Variants in AKAP1 observed in about 807,000 individuals in gnomAD.
AKAP1 encodes the protein A-kinase anchoring protein 1.
Under a neutral mutation model 79.8 loss-of-function variants are expected in AKAP1, and 32 were observed. That is an observed-to-expected ratio of 0.40 (90% CI 0.30 to 0.54). The LOEUF (loss-of-function observed/expected upper bound fraction) is 0.54, where lower values mean the gene tolerates loss of function less well. AKAP1 is among the 20% of genes least tolerant of loss of function. The probability of loss-of-function intolerance (pLI) is 0.47; values close to 1 mark genes in which losing one functional copy is unlikely to be tolerated. For synonymous variants in AKAP1, 416 were observed against 466.7 expected (o/e 0.89, Z 1.40); for missense variants, 961 against 1,138.9 (o/e 0.84, Z 2.25).
intron 1 of AKAP1, among the ~76,000 whole-genome samples, chr17:57,097,396 A>G (rs1914185492): frequency 6.6e-6 from 1 of 152,252 alleles, no homozygotes; most frequent in Admixed American, 6.5e-5. Flanking sequence ...ACATATTTGA[A>G]TGAATGAGCA....
chr17:57,114,766 A>G (rs2144768182), intron 6 of AKAP1, 130 bp downstream of exon 6: 7 of 1,101,830 alleles, frequency 6.4e-6, no homozygotes, highest in Non-Finnish European at 9.0e-6. Flanking sequence ...TGCCATTGTT[A>G]TGGAGCTGGG....
At chr17:57,118,296 G>T in intron 8 of AKAP1, 85 bp from the exon 9 acceptor site, 1 of 1,254,366 alleles carries the variant, frequency 8.0e-7, no homozygotes, top group Non-Finnish European at 1.2e-6. Context: ...CATTCTACTT[G>T]GAATGCACCT....
At chr17:57,104,781 A>G (rs1048611838) in intron 1 of AKAP1, among the ~76,000 whole-genome samples, 3 of 152,236 alleles carry the variant, frequency 2.0e-5, no homozygotes, top group Non-Finnish European at 4.4e-5. Flanking sequence ...TGTAAAGTTG[A>G]AAAATTCTCA....
chr17:57,105,894 C>G lies in AKAP1; in HGVS notation c.430C>G (p.Pro144Ala), dbSNP rs1361930359. ...ALTGGEAKSI[P>A]LECPLSSPKG... ...GACAGGTGGTGAAGCCAAATCGATT[C>G]CTCTAGAGTGCCCCCTTTCATCCCC... Residue 144 changes from proline to alanine, a missense_variant, in exon 2 of 11, where the codon CCT becomes GCT. Physicochemically the swap from Pro to Ala is conservative, Grantham distance 27. This residue lies in a region of AKAP1 where 224 missense variants were observed against 210.2 expected (regional missense o/e 1.07). Coordinates refer to ENST00000337714, the MANE Select transcript of AKAP1 (RefSeq NM_003488.4). 1 of 1,614,098 alleles carries G rather than the reference C, an allele frequency of 6.2e-7. No individual in the cohort carries two copies. The highest frequency in any genetic ancestry group is 2.2e-5 in the East Asian group (1 of 44,890).
chr17:57,092,641 T>C (rs988368411), intron 1 of AKAP1: 1 of 152,218 alleles, frequency 6.6e-6, no homozygotes, highest in African/African-American at 2.4e-5. Flanking sequence ...GTACCTGTCA[T>C]GCTACCAGCC....
At chr17:57,119,850 T>TTTTTTTTTTTTTTTTTTTTTA (rs1915818680) in intron 10 of AKAP1, among the ~76,000 whole-genome samples, 1 of 139,588 alleles carries the variant, frequency 7.2e-6, no homozygotes, top group Admixed American at 7.2e-5. Flanking sequence ...TTTTTTTTTT[T>TTTTTTTTTTTTTTTTTTTTTA]GAGACAGTCT....
rs1914784824 is a variant in AKAP1, at chr17:57,105,429, TGCTCTCCC to T, written c.-24-11_-24-4del. On this transcript the variant is annotated splice_region_variant and splice_polypyrimidine_tract_variant and intron_variant, in intron 1 of 10. Transcript: ENST00000337714. ...GTAACATCCCTCCTCCCCGCTCTCC[TGCTCTCCC>T]CAGGTGTAATTACTTCAAGCCTCCA... 3 of 1,602,232 alleles carry T rather than the reference TGCTCTCCC, an allele frequency of 1.9e-6. No homozygotes were observed. Among genetic ancestry groups the T allele is most frequent in the Non-Finnish European group, 1.7e-6 (2 of 1,175,380 alleles).
rs748978269 is a variant in AKAP1, at chr17:57,106,893, C to T, written c.1429C>T (p.Arg477Trp). 18 of 1,613,722 alleles carry T rather than the reference C, an allele frequency of 1.1e-5. No individual in the cohort carries two copies. The highest frequency in any genetic ancestry group is 1.7e-5 in the Admixed American group (1 of 60,010). The part of the protein sequence containing the change: ...LTTPSEELPD[R>W]AGILVEDATC... ...CACCCCCAGTGAAGAGTTGCCGGAC[C>T]GGGCAGGCATCCTGGTGGAAGATGC... Residue 477 changes from arginine (R) to tryptophan (W), a missense_variant, in exon 2 of 11, where the codon CGG (arginine) becomes TGG (tryptophan). Around this residue, in one of 3 missense-constraint regions of AKAP1, gnomAD observed 629 missense variants for 781.1 expected, o/e 0.81. Coordinates refer to ENST00000337714, the MANE Select transcript of AKAP1 (RefSeq NM_003488.4).
Position 57,086,606 on chromosome 17 carries a change from A to G in AKAP1, c.-25+1208A>G, listed in dbSNP as rs1913477697. ...GGCAATTAGTGAGGTTAACCTGGGT[A>G]TCTTTCCCCTACTGTAGTGCGCGTT... On this transcript the variant is annotated intron_variant, in intron 1 of 10. Transcript: ENST00000337714. The surrounding 1 kb of genome is among the most constrained non-coding windows in gnomAD (Gnocchi z 5.1). 5.7e-6 allele frequency: 2 copies of G among 351,354 alleles called. No homozygotes were observed. The highest frequency in any genetic ancestry group is 1.1e-5 in the Non-Finnish European group (2 of 178,534). 21.8% of individuals were successfully genotyped at this position (351,354 alleles called of 1,614,324 possible).
In AKAP1 at chr17:57,114,495, G is replaced by A; in HGVS notation, c.2140G>A (p.Val714Met). 2 of 1,614,142 alleles carry A rather than the reference G, an allele frequency of 1.2e-6. No homozygotes were observed. Among genetic ancestry groups the A allele is most frequent in the East Asian group, 2.2e-5 (1 of 44,874 alleles). The change falls in exon 6 of 11, where the codon GTG becomes ATG. Residue 714 changes from valine to methionine, a missense_variant. Around this residue, in one of 3 missense-constraint regions of AKAP1, gnomAD observed 629 missense variants for 781.1 expected, o/e 0.81. Transcript: ENST00000337714. ...TGATGGCATCACCGTGGAGGTCATT[G>A]TGGTCAACCAGGTCAATGCCGGGCA... is the stretch of plus-strand genomic sequence containing the variant. ...LPDGITVEVI[V>M]VNQVNAGHLF... is the part of the protein sequence containing the mutation.
Position 57,121,082 on chromosome 17 carries a change from G to A in AKAP1, c.*758G>A, listed in dbSNP as rs1339956939. 2 of 152,506 alleles carry A rather than the reference G, an allele frequency of 1.3e-5. No individual in the cohort carries two copies. The highest frequency in any genetic ancestry group is 2.9e-5 in the Non-Finnish European group (2 of 68,056). The allele number at this position is 152,506 out of a possible 1,614,324, so 9.4% of individuals were successfully genotyped here. On this transcript the variant is annotated 3_prime_UTR_variant, in exon 11 of 11. Transcript: ENST00000337714. ...TTCTTCCAGCCACATGTCACCTGTA[G>A]GTAGAAGTAAACTCTGCAGTGCAGC...
chr17:57,108,094 T>A, intron 2 of AKAP1: 1 of 1,086,760 alleles, frequency 9.2e-7, no homozygotes, highest in Non-Finnish European at 1.2e-6. Flanking sequence ...TGGGGTGTTT[T>A]CATTTATCTC....
Position 57,111,895 on chromosome 17 carries a change from C to T in AKAP1, c.1946C>T (p.Thr649Ile). The change falls in exon 4 of 11, where the codon ACC (threonine) becomes ATC (isoleucine). Residue 649 changes from threonine (T) to isoleucine (I), a missense_variant. By Grantham distance (89) the Thr-to-Ile change is moderately conservative. Around this residue, in one of 3 missense-constraint regions of AKAP1, gnomAD observed 629 missense variants for 781.1 expected, o/e 0.81. Transcript: ENST00000337714. The stretch of plus-strand genomic sequence containing the variant: ...ATCTACATTTCAACCCTGCCTTACA[C>T]CCAGAGCGTCCAGATCTGCCACATA... ...AKIYISTLPYTQSVQICHIEG... is the reference protein window; with the variant it reads ...AKIYISTLPYIQSVQICHIEG... The T allele has an allele frequency of 6.2e-7, 1 of 1,614,094 alleles. No individual in the cohort carries two copies. Among genetic ancestry groups the T allele is most frequent in the Non-Finnish European group, 8.5e-7 (1 of 1,180,008 alleles).
intron 10 of AKAP1, among the ~76,000 whole-genome samples, chr17:57,119,830 C>CTTTTTCTTTTTTTTTTTTTT (rs1915810175): frequency 1.4e-5 from 1 of 70,290 alleles, no homozygotes; most frequent in African/African-American, 6.6e-5. Context: ...CCCTGTTACT[C>CTTTTTCTTTTTTTTTTTTTT]TTTTTTTTTT....
At chr17:57,119,268 C>G (rs1453623102) in intron 10 of AKAP1, among the ~76,000 whole-genome samples, 34 of 152,194 alleles carry the variant, frequency 2.2e-4, no homozygotes, top group Non-Finnish European at 2.9e-5. Flanking sequence ...GTATTCAGGA[C>G]AGCCCCCCAC....
chr17:57,116,351 G>A (rs754031312), intron 7 of AKAP1, 90 bp downstream of exon 7: 4 of 1,534,696 alleles, frequency 2.6e-6, no homozygotes, highest in Non-Finnish European at 3.6e-6. Context: ...CCAGGGCTTG[G>A]GTGAGGGTTA....
At chr17:57,102,975 G>C (rs1914620113) in intron 1 of AKAP1, among the ~76,000 whole-genome samples, 1 of 152,130 alleles carries the variant, frequency 6.6e-6, no homozygotes, top group Non-Finnish European at 1.5e-5. Flanking sequence ...AGCTACTCTG[G>C]AGGCTGAGAC....
intron 1 of AKAP1, among the ~76,000 whole-genome samples, chr17:57,091,539 T>A (rs1913783450): frequency 6.6e-6 from 1 of 152,056 alleles, no homozygotes; most frequent in Admixed American, 6.5e-5. Flanking sequence ...TGCCTCCTGG[T>A]GCAGGCAGGC....
chr17:57,092,260 C>T (rs550274746), intron 1 of AKAP1: 1 of 152,342 alleles, frequency 6.6e-6, no homozygotes, highest in South Asian at 2.1e-4. Flanking sequence ...TTTTCAGTTC[C>T]TCCTTCCCTC....
Sources: allele counts gnomAD v4.1 joint callset (sites outside exome capture counted in the v4.1 genomes callset), GRCh38; gene constraint gnomAD v4.1.1; regional missense constraint gnomAD v4.1.1; non-coding constraint Gnocchi (gnomAD v3.1); transcripts MANE v1.5; gene names NCBI Gene and HGNC (gene_info 2026-07-23, HGNC 2026-07-21).